The following METTL16 variants were observed in gnomAD, a reference collection of about 807,000 sequenced individuals.
METTL16 encodes RNA N(6)-adenosine-methyltransferase METTL16.
A neutral mutation model predicts 57.9 loss-of-function variants in METTL16; 19 were observed. The ratio of observed to expected loss-of-function variants is 0.33; its 90% CI spans 0.23 to 0.48. METTL16 has a LOEUF of 0.48. Among genes scored for constraint, METTL16 ranks in the 20% least tolerant of loss-of-function variants. The pLI is 0.99. For synonymous variants in METTL16, 246 were observed against 255.6 expected (o/e 0.96, Z 0.36); for missense variants, 434 against 691.5 (o/e 0.63, Z 4.18).
intron 6 of METTL16, among the ~76,000 whole-genome samples, chr17:2,443,981 G>A (rs1298076314): frequency 6.6e-6 from 1 of 152,156 alleles, no homozygotes; most frequent in Non-Finnish European, 1.5e-5. Context: ...AGTTAATAAT[G>A]ACATATTACA....
intron 1 of METTL16, among the ~76,000 whole-genome samples, chr17:2,508,242 C>T (rs963924124): frequency 9.9e-5 from 15 of 152,128 alleles, no homozygotes; most frequent in African/African-American, 3.6e-4. Flanking sequence ...AATGCTATTT[C>T]AGATGGTTTT....
At chr17:2,434,272 C>G (rs952887000) in intron 8 of METTL16, among the ~76,000 whole-genome samples, 2 of 152,162 alleles carry the variant, frequency 1.3e-5, no homozygotes, top group Non-Finnish European at 2.9e-5. Context: ...GACCTCGGCT[C>G]ACTGTAACCT....
chr17:2,507,978 C>A (rs2067559589), intron 1 of METTL16, among the ~76,000 whole-genome samples: 1 of 152,190 alleles, frequency 6.6e-6, no homozygotes, highest in Admixed American at 6.5e-5. Context: ...TACCCAGGGA[C>A]ACAAACACTG....
rs367598613 is a variant in METTL16 at position 2,420,200 on chromosome 17, C to T, written c.1459G>A (p.Ala487Thr). The T allele has an allele frequency of 9.3e-6, 15 of 1,614,128 alleles. No individual in the cohort carries two copies. Among genetic ancestry groups the T allele is most frequent in the Non-Finnish European group, 1.3e-5 (15 of 1,180,052 alleles). ...LESCQGSSNG[A>T]QDQEASEQFG... Reference sequence around the variant, plus strand: ...TGCTCAGAAGCCTCTTGGTCCTGGGCTCCGTTGCTAGAGCCTTGACAACTT... The same window carrying T: ...TGCTCAGAAGCCTCTTGGTCCTGGGTTCCGTTGCTAGAGCCTTGACAACTT... The change falls in exon 10 of 10, where the codon GCC becomes ACC. Residue 487 changes from alanine (A) to threonine (T), a missense_variant. Coordinates refer to ENST00000263092, the MANE Select transcript of METTL16 (RefSeq NM_024086.4). The surrounding 1 kb of genome is among the most constrained non-coding windows in gnomAD (Gnocchi z 5.4).
intron 2 of METTL16, among the ~76,000 whole-genome samples, chr17:2,489,694 A>C (rs1045622863): frequency 7.4e-6 from 1 of 135,960 alleles, no homozygotes; most frequent in African/African-American, 3.0e-5. Flanking sequence ...AGCCAAGATC[A>C]CGCCACTGCA....
intron 6 of METTL16, among the ~76,000 whole-genome samples, chr17:2,451,847 C>G (rs1193759930): frequency 6.6e-6 from 1 of 151,756 alleles, no homozygotes; most frequent in Non-Finnish European, 1.5e-5. Context: ...CGGCACAGAA[C>G]AACAAAAAAA....
At chr17:2,473,411 A>AT (rs1281431358) in intron 4 of METTL16, 113 bp downstream of exon 4, 19 of 1,248,620 alleles carry the variant, frequency 1.5e-5, no homozygotes, top group Non-Finnish European at 2.1e-5. Flanking sequence ...AAAGTGCCAG[A>AT]TTTTTTTAAA....
rs142808274 is a variant in METTL16 at position 2,420,798 on chromosome 17, C to A, written c.995G>T (p.Arg332Leu). 3 of 1,614,216 alleles carry A rather than the reference C, an allele frequency of 1.9e-6. No individual in the cohort carries two copies. The highest frequency in any genetic ancestry group is 1.7e-6 in the Non-Finnish European group (2 of 1,180,044). ...GACTATGCCTTCCGCCGTCTCCGAGCGCAGAGGTGATGCTTTGAGGGATAA... is the reference window on the plus strand; with the variant it reads ...GACTATGCCTTCCGCCGTCTCCGAGAGCAGAGGTGATGCTTTGAGGGATAA... ...KELSLKASPL[R>L]SETAEGIVVV... The change falls in exon 9 of 10, where the codon CGC (arginine) becomes CTC (leucine). Residue 332 changes from arginine to leucine, a missense_variant. This residue lies in a region of METTL16 where 96 missense variants were observed against 138.3 expected (regional missense o/e 0.69). Transcript: ENST00000263092. The surrounding 1 kb of genome is among the most constrained non-coding windows in gnomAD (Gnocchi z 5.4).
intron 6 of METTL16, among the ~76,000 whole-genome samples, chr17:2,457,603 G>A (rs2067120936): frequency 6.6e-6 from 1 of 151,306 alleles, no homozygotes; most frequent in African/African-American, 2.4e-5. Context: ...AGCTACTTGG[G>A]AGACTGAGGC....
intron 1 of METTL16, among the ~76,000 whole-genome samples, chr17:2,504,222 G>C (rs1278017454): frequency 6.6e-6 from 1 of 152,128 alleles, no homozygotes; most frequent in East Asian, 1.9e-4. Flanking sequence ...GCTGGGGAGG[G>C]AAGAATGAGG....
At chr17:2,511,433 A>C (rs2067587697) in intron 1 of METTL16, among the ~76,000 whole-genome samples, 1 of 151,972 alleles carries the variant, frequency 6.6e-6, no homozygotes, top group African/African-American at 2.4e-5. Flanking sequence ...GACGTTTCCC[A>C]CTAGTCCTGC....
At chr17:2,490,289 TCAGCC>T (rs1444006798) in intron 2 of METTL16, among the ~76,000 whole-genome samples, 2 of 152,172 alleles carry the variant, frequency 1.3e-5, no homozygotes, top group Non-Finnish European at 2.9e-5. Context: ...TGTATGTGGA[TCAGCC>T]CAGTCTTATT....
chr17:2,496,572 C>T (rs2067447624), intron 2 of METTL16, among the ~76,000 whole-genome samples: 1 of 151,668 alleles, frequency 6.6e-6, no homozygotes, highest in Admixed American at 6.6e-5. Flanking sequence ...GCCTTCTTTT[C>T]TACTTTATTT....
chr17:2,506,743 G>T (rs544924516), intron 1 of METTL16, among the ~76,000 whole-genome samples: 1 of 152,032 alleles, frequency 6.6e-6, no homozygotes, highest in Non-Finnish European at 1.5e-5. Context: ...CTGCCTGGCC[G>T]CCCATCATCT....
rs549189093 is a variant in METTL16, at chr17:2,470,111, G to A, written c.470-2235C>T. Among the ~76,000 whole-genome samples the A allele has an allele frequency of 1.1e-4, 16 of 152,106 alleles. No homozygotes were observed. In the South Asian group the frequency reaches 2.3e-3, roughly 22 times the overall value. On this transcript the variant is annotated intron_variant, in intron 4 of 9. Transcript: ENST00000263092. ...AAAGACACTTTATCGAATATATGTC[G>A]CTGATTCACTAACACTGAACTCATG...
chr17:2,503,304 A>C (rs1437909690), intron 1 of METTL16, among the ~76,000 whole-genome samples: 2 of 152,186 alleles, frequency 1.3e-5, no homozygotes, highest in East Asian at 3.8e-4. Flanking sequence ...ATGGATCAAC[A>C]AAATACAGTA....
chr17:2,494,590 T>C (rs2067427048), intron 2 of METTL16, among the ~76,000 whole-genome samples: 1 of 152,108 alleles, frequency 6.6e-6, no homozygotes. Context: ...GTTTTTGTTT[T>C]AGTGACTCAG....
intron 6 of METTL16, among the ~76,000 whole-genome samples, chr17:2,457,499 G>A (rs961316215): frequency 6.6e-6 from 1 of 152,040 alleles, no homozygotes; most frequent in Non-Finnish European, 1.5e-5. Context: ...CTGAGGTCAG[G>A]AGTTTTGAGA....
chr17:2,447,725 C>A (rs1372612941), intron 6 of METTL16, among the ~76,000 whole-genome samples: 527 of 119,616 alleles, frequency 4.4e-3, no homozygotes, highest in East Asian at 5.9e-3. Flanking sequence ...GCCCCCCGCC[C>A]GGCCAGCCGC....
Sources: allele counts gnomAD v4.1 joint callset (sites outside exome capture counted in the v4.1 genomes callset), GRCh38; gene constraint gnomAD v4.1.1; regional missense constraint gnomAD v4.1.1; non-coding constraint Gnocchi (gnomAD v3.1); transcripts MANE v1.5; gene names NCBI Gene and HGNC (gene_info 2026-07-23, HGNC 2026-07-21).